Variants in HPSE2 observed in about 807,000 individuals in gnomAD.
The protein encoded by HPSE2 is heparanase 2 (inactive).
A neutral mutation model predicts 60.5 loss-of-function variants in HPSE2; 38 were observed. That is an observed-to-expected ratio of 0.63 (90% CI 0.48 to 0.82). The LOEUF (loss-of-function observed/expected upper bound fraction) is 0.82. Ranked by LOEUF, HPSE2 falls within the 40% of genes least tolerant of loss-of-function variation. The pLI, the probability that HPSE2 is intolerant of heterozygous loss-of-function variation, is 0.00. For missense variants in HPSE2, 713 were observed against 740.4 expected, an observed-to-expected ratio of 0.96 and a Z score of 0.43; for synonymous variants, 295 against 293.2, an observed-to-expected ratio of 1.01 and a Z score of -0.06.
At chr10:99,161,939 T>A (rs1846862199) in intron 2 of HPSE2, among the ~76,000 whole-genome samples, 1 of 152,194 alleles carries the variant, frequency 6.6e-6, no homozygotes, top group African/African-American at 2.4e-5. Context: ...CACAAAAAGA[T>A]AAATACTGTA....
chr10:99,283,632 G>A, the HPSE2 span, among the ~76,000 whole-genome samples: 2 of 151,930 alleles, frequency 1.3e-5, no homozygotes, highest in Admixed American at 1.3e-4. Context: ...AAAAAAGAGA[G>A]AAGACCCAAA....
At chr10:98,908,940 C>T (rs1953903594) in intron 3 of HPSE2, among the ~76,000 whole-genome samples, 1 of 152,096 alleles carries the variant, frequency 6.6e-6, no homozygotes, top group African/African-American at 2.4e-5. Context: ...CTTTGTCACT[C>T]CCCTGGCCAT....
intron 3 of HPSE2, among the ~76,000 whole-genome samples, chr10:99,102,006 G>C (rs1844017341): frequency 6.6e-6 from 1 of 152,178 alleles, no homozygotes; most frequent in South Asian, 2.1e-4. Context: ...TAAATTTATA[G>C]CACTAAATGC....
intron 5 of HPSE2, among the ~76,000 whole-genome samples, chr10:98,719,060 T>A (rs558992811): frequency 6.6e-6 from 1 of 152,324 alleles, no homozygotes; most frequent in Non-Finnish European, 1.5e-5. Flanking sequence ...TTCATAAAAC[T>A]GAAGTTAGTC....
chr10:98,666,308 G>T (rs1947361352), intron 6 of HPSE2, among the ~76,000 whole-genome samples: 2 of 152,068 alleles, frequency 1.3e-5, no homozygotes. Context: ...CCTATGAAAA[G>T]ACTTAGACAG....
chr10:98,849,660 C>A (rs1952120469), intron 3 of HPSE2, among the ~76,000 whole-genome samples: 1 of 152,172 alleles, frequency 6.6e-6, no homozygotes, highest in Non-Finnish European at 1.5e-5. Flanking sequence ...AGGAAGACCC[C>A]ATTCTTATTT....
chr10:98,599,281 G>A (rs1392977799), intron 9 of HPSE2, among the ~76,000 whole-genome samples: 2 of 152,166 alleles, frequency 1.3e-5, no homozygotes, highest in South Asian at 4.1e-4. Flanking sequence ...GGTGCTAGAC[G>A]GGTCTAGAGT....
chr10:99,139,448 AAAT>A (rs777919110), intron 3 of HPSE2, among the ~76,000 whole-genome samples: 1 of 152,164 alleles, frequency 6.6e-6, no homozygotes, highest in Non-Finnish European at 1.5e-5. Context: ...TTAAATAAAT[AAAT>A]AATAAAAATT....
chr10:98,482,871 G>T, intron 10 of HPSE2, 89 bp from the exon 11 acceptor site: 1 of 1,395,594 alleles, frequency 7.2e-7, no homozygotes, highest in Non-Finnish European at 1.0e-6. Flanking sequence ...TACAAAATAT[G>T]AACAGCCCTG....
At chr10:98,743,001 G>C (rs1222877840) in intron 4 of HPSE2, among the ~76,000 whole-genome samples, 1 of 120,326 alleles carries the variant, frequency 8.3e-6, no homozygotes, top group African/African-American at 3.2e-5. Context: ...TTGAGATGGA[G>C]TCTTGCTGTT....
intron 9 of HPSE2, among the ~76,000 whole-genome samples, chr10:98,493,330 G>C (rs902155347): frequency 3.3e-5 from 5 of 152,118 alleles, no homozygotes; most frequent in African/African-American, 1.2e-4. Flanking sequence ...GGTTTATTAT[G>C]TTGTTTAACT....
chr10:98,496,065 G>T (rs116865194), intron 9 of HPSE2, among the ~76,000 whole-genome samples: 1 of 152,056 alleles, frequency 6.6e-6, no homozygotes, highest in Non-Finnish European at 1.5e-5. Flanking sequence ...GTGTGTGTGT[G>T]TAAGTGTGGG....
chr10:98,518,712 G>A (rs1308207443), intron 9 of HPSE2, among the ~76,000 whole-genome samples: 21 of 147,190 alleles, frequency 1.4e-4, no homozygotes, highest in Non-Finnish European at 1.6e-4. Context: ...ATCCCACGAG[G>A]AAAAAAAAAA....
chr10:98,683,921 G>T (rs969021918), intron 6 of HPSE2, among the ~76,000 whole-genome samples: 1 of 151,958 alleles, frequency 6.6e-6, no homozygotes, highest in African/African-American at 2.4e-5. Context: ...AAAAAAAGCA[G>T]GACCAAGAAA....
chr10:99,052,759 A>G (rs1958019888), intron 3 of HPSE2, among the ~76,000 whole-genome samples: 1 of 152,102 alleles, frequency 6.6e-6, no homozygotes, highest in African/African-American at 2.4e-5. Flanking sequence ...GGAAAGTAAG[A>G]CATTTAAAAA....
chr10:98,743,909 T>C lies in HPSE2; in HGVS notation c.758A>G (p.Tyr253Cys). Residue 253 changes from tyrosine to cysteine, a missense_variant, in exon 4 of 12, where the codon TAC becomes TGC. Physicochemically the swap from Tyr to Cys is radical, Grantham distance 194. Transcript: ENST00000370552. ...ATTACCCAGTTCCCAAGAAATGTTG[T>C]ACTTTTTGCTGGCGCTGTACTTCAA... ...SLLKYSASKKYNISWELGNEP... is the reference protein window; with the variant it reads ...SLLKYSASKKCNISWELGNEP... 6.2e-7 allele frequency: 1 copy of C among 1,614,086 alleles called. No individual in the cohort carries two copies. Among genetic ancestry groups the C allele is most frequent in the Non-Finnish European group, 8.5e-7 (1 of 1,179,916 alleles).
intron 2 of HPSE2, among the ~76,000 whole-genome samples, chr10:99,152,880 G>A (rs941011221): frequency 2.0e-5 from 3 of 152,222 alleles, no homozygotes; most frequent in Non-Finnish European, 4.4e-5. Context: ...GTGGGCGCGG[G>A]TCAGTGGGTG....
At chr10:98,794,177 A>G (rs837728) in intron 3 of HPSE2, among the ~76,000 whole-genome samples, 130,069 of 151,988 alleles carry the variant, frequency 0.86, 56,038 homozygotes, top group African/African-American at 0.95. Flanking sequence ...CTTAAACTTC[A>G]CTAATGGCCC....
intron 3 of HPSE2, among the ~76,000 whole-genome samples, chr10:98,756,985 A>T (rs534569641): frequency 2.0e-5 from 3 of 152,262 alleles, no homozygotes; most frequent in Admixed American, 2.0e-4. Context: ...AATCCACCAC[A>T]ATCAAGTAGG....
Sources: gnomAD v4.1 joint callset for allele counts (sites outside exome capture counted in the v4.1 genomes callset) on GRCh38, gnomAD v4.1.1 for gene constraint, MANE v1.5 for transcripts, NCBI Gene and HGNC (gene_info 2026-07-23, HGNC 2026-07-21) for gene names.